PIEZO2: variants seen among roughly 807,000 people sequenced by gnomAD.
PIEZO2 encodes the protein piezo-type mechanosensitive ion channel component 2.
A neutral mutation model predicts 337.3 loss-of-function variants in PIEZO2; 172 were observed. The observed-to-expected ratio is 0.51, with a 90% CI of 0.45 to 0.58. The LOEUF is 0.58. Among genes scored for constraint, PIEZO2 ranks in the 20% least tolerant of loss-of-function variants. The pLI, the probability that PIEZO2 is intolerant of heterozygous loss-of-function variation, is 0.00. For synonymous variants in PIEZO2, 1,251 were observed against 1,228.5 expected (o/e 1.02, Z -0.38); for missense variants, 3,028 against 3,391.3 (o/e 0.89, Z 2.66).
At position 11,105,245 on chromosome 18, in the gene PIEZO2, C is replaced by T. The variant is rs1356486734; in HGVS notation, c.65-39023G>A. On this transcript the variant is annotated intron_variant, in intron 1 of 55. Coordinates refer to ENST00000674853, the MANE Select transcript of PIEZO2 (RefSeq NM_001378183.1). This position sits in a 1 kb window ranked among gnomAD's most constrained non-coding sequence, Gnocchi z 4.3. Reference sequence around the variant, plus strand: ...ACTTGCAACCAAAAAGAGTTACACGCCCAAAGACTGCAAACCAATATGGAC... The same window carrying T: ...ACTTGCAACCAAAAAGAGTTACACGTCCAAAGACTGCAAACCAATATGGAC... Among the ~76,000 whole-genome samples the T allele has an allele frequency of 6.6e-6, 1 of 152,148 alleles. No homozygotes were observed. The highest frequency in any genetic ancestry group is 6.6e-5 in the Admixed American group (1 of 15,264).
In PIEZO2 at chr18:11,131,207, T is replaced by C. The variant is rs557189799; in HGVS notation, c.64+17318A>G. On this transcript the variant is annotated intron_variant, in intron 1 of 55. Coordinates refer to ENST00000674853, the MANE Select transcript of PIEZO2 (RefSeq NM_001378183.1). The surrounding 1 kb of genome is among the most constrained non-coding windows in gnomAD (Gnocchi z 5.3). ...TAACTGCCTATCATGAACTGGGTGCTTTCTGACCCATCTAGCCATAAAGCG... is the reference window on the plus strand; with the variant it reads ...TAACTGCCTATCATGAACTGGGTGCCTTCTGACCCATCTAGCCATAAAGCG... Among the ~76,000 whole-genome samples, 6 of 152,340 alleles carry C rather than the reference T, an allele frequency of 3.9e-5. No individual in the cohort carries two copies. In the South Asian group the frequency reaches 8.3e-4, roughly 21 times the overall value.
chr18:10,934,636 CGT>C (rs59190236), intron 3 of PIEZO2, among the ~76,000 whole-genome samples: 32,535 of 130,438 alleles, frequency 0.25, 3,812 homozygotes, highest in East Asian at 0.45. Context: ...ATTGTGTGTA[CGT>C]GTGTGTGTGT....
intron 1 of PIEZO2, among the ~76,000 whole-genome samples, chr18:11,106,212 G>A (rs1023584257): frequency 4.0e-5 from 6 of 150,084 alleles, no homozygotes; most frequent in East Asian, 2.0e-4. Context: ...TCAGCCTCCC[G>A]AGTAGCTGGG....
chr18:11,101,836 G>GACACACAC lies in PIEZO2; in HGVS notation c.65-35615_65-35614insGTGTGTGT, dbSNP rs919227805. Among the ~76,000 whole-genome samples the GACACACAC allele has an allele frequency of 6.6e-6, 1 of 152,088 alleles. No homozygotes were observed. The highest frequency in any genetic ancestry group is 2.4e-5 in the African/African-American group (1 of 41,384). Reference sequence around the variant, plus strand: ...GGCTACTCCCATGCTAAATTTTTGGGACACACAAGCTCTTGTACTCTTGTA... The same window carrying GACACACAC: ...GGCTACTCCCATGCTAAATTTTTGGGACACACACACACACAAGCTCTTGTACTCTTGTA... On this transcript the variant is annotated intron_variant, in intron 1 of 55. Transcript: ENST00000674853. The surrounding 1 kb of genome is among the most constrained non-coding windows in gnomAD (Gnocchi z 4.4).
In PIEZO2 at chr18:10,697,722, C is replaced by T. The variant is rs760500410; in HGVS notation, c.6827+26G>A. On this transcript the variant is annotated intron_variant, in intron 45 of 55. Coordinates refer to ENST00000674853, the MANE Select transcript of PIEZO2 (RefSeq NM_001378183.1). Reference sequence around the variant, plus strand: ...GCCCAAAACCCTACAATAAAGCACACATGCCATATGTTCTCATGGACTCAC... The same window carrying T: ...GCCCAAAACCCTACAATAAAGCACATATGCCATATGTTCTCATGGACTCAC... 4 of 1,609,202 alleles carry T rather than the reference C, an allele frequency of 2.5e-6. No individual in the cohort carries two copies. The Admixed American group carries it at 5.1e-5, about 20-fold the overall frequency.
Position 10,859,823 on chromosome 18 carries a change from C to T in PIEZO2, c.493-2612G>A, listed in dbSNP as rs1191050296. On this transcript the variant is annotated intron_variant, in intron 5 of 55. Transcript: ENST00000674853. This position sits in a 1 kb window ranked among gnomAD's most constrained non-coding sequence, Gnocchi z 4.9. The stretch of plus-strand genomic sequence containing the variant: ...CACATAACTCTAGTTGCTCCTGGGG[C>T]GGAGCAGAGGGAGGCAGCAGCGGGG... 2.6e-5 allele frequency among the ~76,000 whole-genome samples: 4 copies of T among 151,966 alleles called. No individual in the cohort carries two copies. In the East Asian group the frequency reaches 5.8e-4, roughly 22 times the overall value.
intron 47 of PIEZO2, among the ~76,000 whole-genome samples, chr18:10,695,170 T>C (rs527818599): frequency 4.6e-5 from 7 of 152,252 alleles, no homozygotes; most frequent in Non-Finnish European, 8.8e-5. Flanking sequence ...GATCATTTGT[T>C]CATCCATGAG....
chr18:10,896,083 A>G (rs2042894500), intron 4 of PIEZO2, among the ~76,000 whole-genome samples: 2 of 151,852 alleles, frequency 1.3e-5, no homozygotes, highest in Admixed American at 1.3e-4. Context: ...CAAAAACGAA[A>G]AAAAAAAGAA....
At chr18:11,087,236 T>A (rs767172420) in intron 1 of PIEZO2, among the ~76,000 whole-genome samples, 1 of 152,134 alleles carries the variant, frequency 6.6e-6, no homozygotes, top group Non-Finnish European at 1.5e-5. Context: ...GAGAAATAAA[T>A]GTCTGTTGTT....
chr18:10,833,652 G>A lies in PIEZO2; in HGVS notation c.917+21701C>T, dbSNP rs9953729. Among the ~76,000 whole-genome samples, 52,329 of 152,004 alleles carry A rather than the reference G, an allele frequency of 0.34. 9,564 individuals are homozygous for A. Among genetic ancestry groups the A allele is most frequent in the East Asian group, 0.63 (3,247 of 5,160 alleles). Reference sequence around the variant, plus strand: ...CCAGAGCCAAGTACAGTTCCAATCTGTGTCTACCCGCAGGCTTCACCCAAG... The same window carrying A: ...CCAGAGCCAAGTACAGTTCCAATCTATGTCTACCCGCAGGCTTCACCCAAG... On this transcript the variant is annotated intron_variant, in intron 7 of 55. Transcript: ENST00000674853. This position sits in a 1 kb window ranked among gnomAD's most constrained non-coding sequence, Gnocchi z 4.7.
intron 5 of PIEZO2, among the ~76,000 whole-genome samples, chr18:10,858,569 CT>C (rs1211120746): frequency 6.6e-6 from 1 of 152,044 alleles, no homozygotes; most frequent in Non-Finnish European, 1.5e-5. Flanking sequence ...TTTAATGGTT[CT>C]TTTTTGATAT....
At chr18:10,710,510 T>C (rs1331741326) in intron 39 of PIEZO2, among the ~76,000 whole-genome samples, 1 of 152,276 alleles carries the variant, frequency 6.6e-6, no homozygotes, top group South Asian at 2.1e-4. Context: ...TATCTGATTA[T>C]ATAAAGCAAC....
chr18:11,073,427 T>C (rs2038415851), intron 1 of PIEZO2, among the ~76,000 whole-genome samples: 1 of 152,202 alleles, frequency 6.6e-6, no homozygotes, highest in South Asian at 2.1e-4. Flanking sequence ...AGCCAGCTGC[T>C]GTGCTACATG....
chr18:10,919,504 A>G (rs984107449), intron 3 of PIEZO2, among the ~76,000 whole-genome samples: 5 of 152,228 alleles, frequency 3.3e-5, no homozygotes, highest in East Asian at 1.9e-4. Context: ...CACATGTGTT[A>G]TGCCCTCATT....
At chr18:10,951,805 G>A (rs370791635) in intron 3 of PIEZO2, among the ~76,000 whole-genome samples, 1 of 152,188 alleles carries the variant, frequency 6.6e-6, no homozygotes, top group Non-Finnish European at 1.5e-5. Flanking sequence ...GCAGTGGACT[G>A]TAGCTTACTT....
At position 10,992,267 on chromosome 18, in the gene PIEZO2, G is replaced by A. The variant is rs999735800; in HGVS notation, c.161-12607C>T. Among the ~76,000 whole-genome samples, 8 of 152,266 alleles carry A rather than the reference G, an allele frequency of 5.3e-5. No homozygotes were observed. The East Asian group carries it at 1.5e-3, about 29-fold the overall frequency. On this transcript the variant is annotated intron_variant, in intron 2 of 55. Coordinates refer to ENST00000674853, the MANE Select transcript of PIEZO2 (RefSeq NM_001378183.1). ...CCATTTGTCAATTTTGGCTTTTGTT[G>A]CCAATGCTTTTGGTGTTTTAGGCAT...
intron 52 of PIEZO2, among the ~76,000 whole-genome samples, chr18:10,678,312 T>C (rs2034107458): frequency 1.3e-5 from 2 of 152,232 alleles, no homozygotes; most frequent in African/African-American, 4.8e-5. Flanking sequence ...TTTTAGTAGC[T>C]CTTTAAAGAA....
At chr18:11,024,049 T>A (rs1286263934) in intron 2 of PIEZO2, among the ~76,000 whole-genome samples, 1 of 152,136 alleles carries the variant, frequency 6.6e-6, no homozygotes, top group African/African-American at 2.4e-5. Flanking sequence ...CCCCGCAAGC[T>A]GAGGGAGCTG....
At chr18:10,791,062 G>T (rs964822157) in intron 14 of PIEZO2, 139 bp downstream of exon 14, 5 of 997,722 alleles carry the variant, frequency 5.0e-6, no homozygotes, top group African/African-American at 1.7e-5. Context: ...AAAGTCACAC[G>T]CTGTAATAAC....
Sources: gnomAD v4.1 joint callset for allele counts (sites outside exome capture counted in the v4.1 genomes callset) on GRCh38, gnomAD v4.1.1 for gene constraint, Gnocchi (gnomAD v3.1) non-coding constraint, MANE v1.5 for transcripts, NCBI Gene and HGNC (gene_info 2026-07-23, HGNC 2026-07-21) for gene names.